Variants in ZNF136 observed in about 807,000 individuals in gnomAD.
ZNF136 encodes zinc finger protein 136 (clone pHZ-20).
In ZNF136, 8 loss-of-function variants were observed where a neutral mutation model predicts 11.4. The observed-to-expected ratio is 0.70, with a 90% CI of 0.41 to 1.27. The LOEUF (loss-of-function observed/expected upper bound fraction) is 1.27. Among genes scored for constraint, ZNF136 ranks in the 50% most tolerant of loss-of-function variants. The pLI, the probability that ZNF136 is intolerant of heterozygous loss-of-function variation, is 0.01. For synonymous variants in ZNF136, 190 were observed against 207.1 expected (o/e 0.92, Z 0.71); for missense variants, 590 against 656.5 (o/e 0.90, Z 1.11).
intron 1 of ZNF136, among the ~76,000 whole-genome samples, chr19:12,184,199 G>A (rs1045929469): frequency 5.3e-5 from 8 of 151,882 alleles, no homozygotes; most frequent in Admixed American, 5.3e-4. Flanking sequence ...CTGGGAGGCA[G>A]AGGTTGCAGT....
At chr19:12,185,937 T>A in intron 2 of ZNF136, 26 bp downstream of exon 2, 1 of 1,610,808 alleles carries the variant, frequency 6.2e-7, no homozygotes, top group Non-Finnish European at 8.5e-7. Flanking sequence ...TTCCATCACT[T>A]AGCAATTAAA....
At chr19:12,175,479 G>C (rs1191660273) in intron 1 of ZNF136, among the ~76,000 whole-genome samples, 1 of 152,150 alleles carries the variant, frequency 6.6e-6, no homozygotes, top group Non-Finnish European at 1.5e-5. Context: ...ACAGGTGTGA[G>C]CCACCACACC....
intron 1 of ZNF136, among the ~76,000 whole-genome samples, chr19:12,178,670 T>C (rs1402897769): frequency 1.3e-5 from 2 of 152,154 alleles, no homozygotes; most frequent in African/African-American, 2.4e-5. Context: ...TAATAAACTT[T>C]ATAATTTTGT....
At position 12,185,812 on chromosome 19, in the gene ZNF136, G is replaced by A. The variant is rs1477220718; in HGVS notation, c.31G>A (p.Val11Met). The change falls in exon 2 of 4, where the codon GTG (valine) becomes ATG (methionine). Residue 11 changes from valine (V) to methionine (M), a missense_variant. Transcript: ENST00000343979. ...CTCGGTGGCTTTTGAGGATGTAGATGTGAACTTCACCCAGGAGGAGTGGGC... is the reference window on the plus strand; with the variant it reads ...CTCGGTGGCTTTTGAGGATGTAGATATGAACTTCACCCAGGAGGAGTGGGC... The part of the protein sequence containing the change: MDSVAFEDVD[V>M]NFTQEEWALL... 1 of 1,613,920 alleles carries A rather than the reference G, an allele frequency of 6.2e-7. No individual in the cohort carries two copies. The highest frequency in any genetic ancestry group is 2.2e-5 in the East Asian group (1 of 44,882).
Position 12,185,810 on chromosome 19 carries a change from A to G in ZNF136, c.29A>G (p.Asp10Gly), listed in dbSNP as rs1248786585. The change falls in exon 2 of 4, where the codon GAT becomes GGT. Residue 10 changes from aspartate to glycine, a missense_variant. Coordinates refer to ENST00000343979, the MANE Select transcript of ZNF136 (RefSeq NM_003437.5). MDSVAFEDV[D>G]VNFTQEEWAL... ...GACTCGGTGGCTTTTGAGGATGTAG[A>G]TGTGAACTTCACCCAGGAGGAGTGG... The G allele has an allele frequency of 6.2e-7, 1 of 1,613,970 alleles. No homozygotes were observed. The highest frequency in any genetic ancestry group is 1.7e-5 in the Admixed American group (1 of 59,928).
In ZNF136 at chr19:12,183,855, A is replaced by G. The variant is rs538581163; in HGVS notation, c.4-1930A>G. Among the ~76,000 whole-genome samples, 3 of 152,032 alleles carry G rather than the reference A, an allele frequency of 2.0e-5. No homozygotes were observed. The East Asian group carries it at 5.8e-4, about 29-fold the overall frequency. On this transcript the variant is annotated intron_variant, in intron 1 of 3. Coordinates refer to ENST00000343979, the MANE Select transcript of ZNF136 (RefSeq NM_003437.5). Reference sequence around the variant, plus strand: ...GGGCTCAAACAATCCTTCTGCCTCAACCTCCCAATGTGATGGAATTACAGG... The same window carrying G: ...GGGCTCAAACAATCCTTCTGCCTCAGCCTCCCAATGTGATGGAATTACAGG...
intron 1 of ZNF136, among the ~76,000 whole-genome samples, chr19:12,176,349 G>T (rs1257092245): frequency 6.6e-6 from 1 of 150,972 alleles, no homozygotes; most frequent in South Asian, 2.1e-4. Context: ...TTTTTGAGAT[G>T]GAGTTTCGCT....
intron 3 of ZNF136, among the ~76,000 whole-genome samples, 159 bp downstream of exon 3, chr19:12,186,333 A>G (rs1915082401): frequency 6.6e-6 from 1 of 152,310 alleles, no homozygotes; most frequent in South Asian, 2.1e-4. Flanking sequence ...ACAGATGTTC[A>G]GTTTTTATAA....
At chr19:12,175,963 A>AT (rs151236789) in intron 1 of ZNF136, among the ~76,000 whole-genome samples, 1,868 of 152,128 alleles carry the variant, frequency 0.012, 42 homozygotes, top group African/African-American at 0.043. Flanking sequence ...TGATCATGAA[A>AT]TTTTTTTTAA....
rs1027327992 is a variant in ZNF136, at chr19:12,188,413, C to A, written c.*412C>A. On this transcript the variant is annotated 3_prime_UTR_variant, in exon 4 of 4. Coordinates refer to ENST00000343979, the MANE Select transcript of ZNF136 (RefSeq NM_003437.5). ...ATGAAAGAACACACAAAAGAGAAAG[C>A]TCTTGAATATAAGCAATGTCCACAC... is the stretch of plus-strand genomic sequence containing the variant. The A allele has an allele frequency of 1.0e-4, 16 of 158,522 alleles. No individual in the cohort carries two copies. The highest frequency in any genetic ancestry group is 6.0e-4 in the South Asian group (3 of 5,006). The allele number at this position is 158,522 out of a possible 1,614,324, so 9.8% of individuals were successfully genotyped here. A position where few individuals can be genotyped will look rare whatever the true frequency, so the allele number is the denominator to read the frequency against.
chr19:12,187,341 C>A lies in ZNF136; in HGVS notation c.963C>A (p.Pro321=), dbSNP rs368143102. The A allele has an allele frequency of 1.9e-6, 3 of 1,613,742 alleles. No individual in the cohort carries two copies. The highest frequency in any genetic ancestry group is 2.5e-6 in the Non-Finnish European group (3 of 1,179,946). Residue 321 remains proline, a synonymous_variant, in exon 4 of 4, where the codon CCC becomes CCA. Transcript: ENST00000343979. ...GTGGGAAGGCCTTCAGTTATCTCCC[C>A]TCCCTTCGACTACATGAAAGAATTC... ...KQCGKAFSYL[P]SLRLHERIHT...
intron 1 of ZNF136, among the ~76,000 whole-genome samples, chr19:12,181,479 GTTTT>G (rs61067620): frequency 7.1e-6 from 1 of 140,948 alleles, no homozygotes; most frequent in Admixed American, 7.2e-5. Flanking sequence ...ATTTGTTTTT[GTTTT>G]TTTTTTTTTG....
At chr19:12,177,640 C>T (rs550075402) in intron 1 of ZNF136, among the ~76,000 whole-genome samples, 1 of 152,312 alleles carries the variant, frequency 6.6e-6, no homozygotes, top group Non-Finnish European at 1.5e-5. Context: ...AACCACCGCA[C>T]CCAGACTTTT....
intron 1 of ZNF136, among the ~76,000 whole-genome samples, chr19:12,168,046 C>CTTTTCT (rs1599451521): frequency 1.1e-4 from 6 of 56,686 alleles, no homozygotes; most frequent in Admixed American, 1.7e-4. Context: ...ATTTTTTTTT[C>CTTTTCT]TTTTCTTTTT....
At chr19:12,180,448 T>C (rs1003099507) in intron 1 of ZNF136, among the ~76,000 whole-genome samples, 3 of 152,212 alleles carry the variant, frequency 2.0e-5, no homozygotes, top group African/African-American at 7.2e-5. Flanking sequence ...CTGGTGCTTA[T>C]ATTTTTGTGA....
chr19:12,176,705 C>T (rs368914884), intron 1 of ZNF136, among the ~76,000 whole-genome samples: 3 of 152,138 alleles, frequency 2.0e-5, no homozygotes, highest in African/African-American at 7.2e-5. Flanking sequence ...ACAAATAACC[C>T]TATCTGCCTG....
At chr19:12,185,979 C>G (rs1313045378) in intron 2 of ZNF136, 68 bp downstream of exon 2, 13 of 1,607,276 alleles carry the variant, frequency 8.1e-6, no homozygotes, top group Non-Finnish European at 8.5e-6. Context: ...TGATGCTGTT[C>G]CATGGTTTGC....
rs1336680968 is a variant in ZNF136, at chr19:12,170,414, GTCT to G, written c.3+7215_3+7217del. 5.9e-5 allele frequency among the ~76,000 whole-genome samples: 9 copies of G among 151,412 alleles called. No homozygotes were observed. The Middle Eastern group carries it at 0.01, about 172-fold the overall frequency. ...ACTTCTTTTTTTTTTTTTGAGGCAGGTCTTCTTCTGTTGCCCAGACTGAAGTGC... is the reference window on the plus strand; with the variant it reads ...ACTTCTTTTTTTTTTTTTGAGGCAGGTCTTCTGTTGCCCAGACTGAAGTGC... On this transcript the variant is annotated intron_variant, in intron 1 of 3. Transcript: ENST00000343979.
At chr19:12,172,646 A>G (rs73002454) in intron 1 of ZNF136, among the ~76,000 whole-genome samples, 26,554 of 152,136 alleles carry the variant, frequency 0.17, 2,758 homozygotes, top group African/African-American at 0.29. Context: ...CAGGTGTGTC[A>G]GTTAGGCAAT....
Sources: allele counts gnomAD v4.1 joint callset (sites outside exome capture counted in the v4.1 genomes callset), GRCh38; gene constraint gnomAD v4.1.1; transcripts MANE v1.5; gene names NCBI Gene and HGNC (gene_info 2026-07-23, HGNC 2026-07-21).